Variants in ADGRA3 observed in about 807,000 individuals in gnomAD.
ADGRA3 encodes adhesion G protein-coupled receptor A3.
A neutral mutation model predicts 119.8 loss-of-function variants in ADGRA3; 56 were observed. The ratio of observed to expected loss-of-function variants is 0.47; its 90% CI spans 0.38 to 0.58. The LOEUF is 0.58. Among genes scored for constraint, ADGRA3 ranks in the 20% least tolerant of loss-of-function variants. ADGRA3 has a pLI of 0.00. For synonymous variants in ADGRA3, 607 were observed against 623.8 expected (o/e 0.97, Z 0.40); for missense variants, 1,516 against 1,649.0 (o/e 0.92, Z 1.40).
chr4:22,392,014 T>C (rs1419195290), intron 17 of ADGRA3, among the ~76,000 whole-genome samples: 6 of 152,354 alleles, frequency 3.9e-5, no homozygotes, highest in Admixed American at 1.3e-4. Flanking sequence ...GGGAGTCTTC[T>C]GTAAATCCCT....
intron 7 of ADGRA3, among the ~76,000 whole-genome samples, chr4:22,439,374 AT>A (rs1383143256): frequency 6.6e-6 from 1 of 152,200 alleles, no homozygotes; most frequent in Non-Finnish European, 1.5e-5. Flanking sequence ...TATAAAACCT[AT>A]TAATTAAGGA....
rs183071987 is a variant in ADGRA3, at chr4:22,452,222, A to C, written c.473+2644T>G. On this transcript the variant is annotated intron_variant, in intron 4 of 18. Transcript: ENST00000334304. ...GACTGTTCCATTTAGAAAATCCACAATAGGAATGATAGACAGTGGAAAATC... is the reference window on the plus strand; with the variant it reads ...GACTGTTCCATTTAGAAAATCCACACTAGGAATGATAGACAGTGGAAAATC... Among the ~76,000 whole-genome samples the C allele has an allele frequency of 1.1e-4, 17 of 152,278 alleles. No homozygotes were observed. In the East Asian group the frequency reaches 3.3e-3, roughly 29 times the overall value.
intron 12 of ADGRA3, among the ~76,000 whole-genome samples, chr4:22,415,836 T>TA (rs957567241): frequency 1.3e-3 from 197 of 148,074 alleles, no homozygotes; most frequent in African/African-American, 3.2e-3. Context: ...TAGAACCAAT[T>TA]AAAAAAAAAA....
At chr4:22,482,419 G>T (rs1283275241) in intron 1 of ADGRA3, among the ~76,000 whole-genome samples, 3 of 151,988 alleles carry the variant, frequency 2.0e-5, no homozygotes, top group African/African-American at 7.3e-5. Context: ...AATTTGGGAG[G>T]CTGAGGCAGG....
intron 17 of ADGRA3, among the ~76,000 whole-genome samples, chr4:22,391,317 C>T (rs58269936): frequency 0.18 from 26,677 of 152,010 alleles, 4,397 homozygotes; most frequent in African/African-American, 0.44. Flanking sequence ...ATGTCTCCCC[C>T]GCCCACCTGC....
chr4:22,503,176 A>G (rs1025841093), intron 1 of ADGRA3, among the ~76,000 whole-genome samples: 6 of 152,218 alleles, frequency 3.9e-5, no homozygotes, highest in Admixed American at 6.5e-5. Flanking sequence ...GAAAGACTTT[A>G]GAATTCTAAC....
At chr4:22,426,220 C>T (rs1195307565) in intron 10 of ADGRA3, among the ~76,000 whole-genome samples, 1 of 152,118 alleles carries the variant, frequency 6.6e-6, no homozygotes, top group East Asian at 1.9e-4. Context: ...AACTAAACTG[C>T]CACTTGACCC....
intron 1 of ADGRA3, among the ~76,000 whole-genome samples, chr4:22,480,187 G>C (rs1718217445): frequency 6.6e-6 from 1 of 152,174 alleles, no homozygotes; most frequent in African/African-American, 2.4e-5. Flanking sequence ...ATCGGCAAAA[G>C]GCTTGAACAG....
intron 10 of ADGRA3, among the ~76,000 whole-genome samples, chr4:22,431,702 TC>T (rs1716179303): frequency 6.6e-6 from 1 of 152,170 alleles, no homozygotes; most frequent in Non-Finnish European, 1.5e-5. Context: ...TAAACCTCTT[TC>T]CTTTATAAAT....
chr4:22,498,817 G>C (rs1321816794), intron 1 of ADGRA3, among the ~76,000 whole-genome samples: 1 of 152,124 alleles, frequency 6.6e-6, no homozygotes, highest in East Asian at 1.9e-4. Context: ...AGGAGGCTGA[G>C]GCAGGAGAAT....
In ADGRA3 at chr4:22,392,707, A is replaced by G; in HGVS notation, c.2482-17T>C. ...TATCCCAACCTACAAGGAAGATCAAAGAATAAATAAAAGAAAAAAAATGTT... is the reference window on the plus strand; with the variant it reads ...TATCCCAACCTACAAGGAAGATCAAGGAATAAATAAAAGAAAAAAAATGTT... On this transcript the variant is annotated splice_polypyrimidine_tract_variant and intron_variant, in intron 16 of 18. Transcript: ENST00000334304. 1 of 1,591,868 alleles carries G rather than the reference A, an allele frequency of 6.3e-7. No homozygotes were observed. Among genetic ancestry groups the G allele is most frequent in the Non-Finnish European group, 8.5e-7 (1 of 1,172,696 alleles).
At chr4:22,437,426 C>T (rs966902976) in intron 8 of ADGRA3, among the ~76,000 whole-genome samples, 2 of 152,138 alleles carry the variant, frequency 1.3e-5, no homozygotes, top group African/African-American at 4.8e-5. Flanking sequence ...AACAACTGAA[C>T]CCATTAGAGA....
Position 22,436,622 on chromosome 4 carries a change from C to T in ADGRA3, c.1105G>A (p.Gly369Ser), listed in dbSNP as rs186079507. 32 of 1,614,004 alleles carry T rather than the reference C, an allele frequency of 2.0e-5. No individual in the cohort carries two copies. In the Admixed American group the frequency reaches 5.0e-4, roughly 25 times the overall value. Reference protein sequence around the residue: ...GDFRWPRTLAGITAYLQCTRN... With the variant: ...GDFRWPRTLASITAYLQCTRN... ...GTACACTGCAGATATGCAGTAATGC[C>T]TGCCAATGTTCTGGGCCATCTAGAG... is the stretch of plus-strand genomic sequence containing the variant. The change falls in exon 9 of 19, where the codon GGC (glycine) becomes AGC (serine). Residue 369 changes from glycine (G) to serine (S), a missense_variant. Physicochemically the swap from Gly to Ser is moderately conservative, Grantham distance 56. Coordinates refer to ENST00000334304, the MANE Select transcript of ADGRA3 (RefSeq NM_145290.4).
chr4:22,421,009 T>C lies in ADGRA3; in HGVS notation c.1686A>G (p.Lys562=). The C allele has an allele frequency of 6.2e-7, 1 of 1,614,116 alleles. No homozygotes were observed. ...FTGMTCTVFQ[K]VAASDRTGLS... Reference sequence around the variant, plus strand: ...GTCCTGTACGATCAGAGGCTGCCACTTTCTGGAACACGGTACAGGTCATCC... The same window carrying C: ...GTCCTGTACGATCAGAGGCTGCCACCTTCTGGAACACGGTACAGGTCATCC... The change falls in exon 12 of 19, where the codon AAA becomes AAG. Residue 562 remains lysine (K), a synonymous_variant. Transcript: ENST00000334304.
intron 2 of ADGRA3, among the ~76,000 whole-genome samples, chr4:22,468,470 C>T (rs1048829828): frequency 3.3e-5 from 5 of 152,016 alleles, no homozygotes; most frequent in South Asian, 2.1e-4. Flanking sequence ...TTCCATAAAA[C>T]GAAGACAGAG....
At chr4:22,489,472 A>G (rs549384446) in intron 1 of ADGRA3, among the ~76,000 whole-genome samples, 1 of 152,322 alleles carries the variant, frequency 6.6e-6, no homozygotes, top group African/African-American at 2.4e-5. Context: ...ATAAACATGT[A>G]TGTTTCCCCA....
intron 1 of ADGRA3, among the ~76,000 whole-genome samples, chr4:22,505,176 T>G (rs1719193715): frequency 6.6e-6 from 1 of 152,112 alleles, no homozygotes; most frequent in Non-Finnish European, 1.5e-5. Context: ...TGCAGATGAC[T>G]GTGTGAGTCA....
intron 1 of ADGRA3, among the ~76,000 whole-genome samples, chr4:22,508,396 T>C (rs1251401728): frequency 6.6e-6 from 1 of 152,184 alleles, no homozygotes; most frequent in Non-Finnish European, 1.5e-5. Flanking sequence ...ATAATTTGTA[T>C]AAAAGACTGA....
intron 4 of ADGRA3, among the ~76,000 whole-genome samples, chr4:22,451,340 T>G (rs1174138926): frequency 6.6e-6 from 1 of 152,098 alleles, no homozygotes; most frequent in Non-Finnish European, 1.5e-5. Context: ...TCTCCTGACA[T>G]TTCTCTGCAA....
Sources: gnomAD v4.1 joint callset for allele counts (sites outside exome capture counted in the v4.1 genomes callset) on GRCh38, gnomAD v4.1.1 for gene constraint, MANE v1.5 for transcripts, NCBI Gene and HGNC (gene_info 2026-07-23, HGNC 2026-07-21) for gene names.